Variants in CKAP2L observed in about 807,000 individuals in gnomAD.
CKAP2L encodes cytoskeleton-associated protein 2-like.
In CKAP2L, 42 loss-of-function variants were observed where a neutral mutation model predicts 65.7. The observed-to-expected ratio is 0.64, with a 90% CI of 0.50 to 0.83. The LOEUF is 0.83. CKAP2L is among the 40% of genes least tolerant of loss of function. The probability of loss-of-function intolerance (pLI) is 0.00; values close to 1 mark genes in which losing one functional copy is unlikely to be tolerated. For synonymous variants in CKAP2L, 325 were observed against 313.5 expected (o/e 1.04, Z -0.39); for missense variants, 908 against 871.0 (o/e 1.04, Z -0.53).
At chr2:112,743,869 A>G (rs1459864011) in intron 6 of CKAP2L, among the ~76,000 whole-genome samples, 4 of 152,228 alleles carry the variant, frequency 2.6e-5, no homozygotes, top group African/African-American at 7.2e-5. Context: ...TATCTGAGAT[A>G]GGCTTTATTT....
intron 5 of CKAP2L, among the ~76,000 whole-genome samples, chr2:112,749,408 G>A (rs1384503106): frequency 6.6e-6 from 1 of 152,196 alleles, no homozygotes; most frequent in Non-Finnish European, 1.5e-5. Flanking sequence ...CAGTGCCAGT[G>A]ACAGACTTTG....
At chr2:112,739,508 T>C (rs1469743265) in intron 8 of CKAP2L, among the ~76,000 whole-genome samples, 2 of 152,240 alleles carry the variant, frequency 1.3e-5, no homozygotes, top group Non-Finnish European at 2.9e-5. Flanking sequence ...ATTTATTGAA[T>C]GAAGTATGAA....
At chr2:112,762,360 T>C (rs1333685528) in intron 2 of CKAP2L, 143 bp downstream of exon 2, 1 of 657,138 alleles carries the variant, frequency 1.5e-6, no homozygotes, top group Non-Finnish European at 2.8e-6. Context: ...ATGCCTGGAC[T>C]GAAATGCTCT....
At chr2:112,754,656 G>A (rs1382489275) in intron 4 of CKAP2L, among the ~76,000 whole-genome samples, 1 of 152,200 alleles carries the variant, frequency 6.6e-6, no homozygotes, top group East Asian at 1.9e-4. Context: ...AGGTGCTGAA[G>A]AAACACCTAC....
At chr2:112,742,377 C>G (rs772494108) in intron 7 of CKAP2L, 2 of 717,384 alleles carry the variant, frequency 2.8e-6, no homozygotes, top group South Asian at 3.0e-5. Context: ...TATGATTAAA[C>G]ATGTAACTTA....
rs779883772 is a variant in CKAP2L at position 112,740,881 on chromosome 2, C to T, written c.1949G>A (p.Arg650Gln). The T allele has an allele frequency of 9.3e-6, 15 of 1,613,936 alleles. No homozygotes were observed. The highest frequency in any genetic ancestry group is 3.3e-4 in the Middle Eastern group (2 of 6,084). The change falls in exon 8 of 9, where the codon CGA becomes CAA. Residue 650 changes from arginine (R) to glutamine (Q), a missense_variant. Coordinates refer to ENST00000302450, the MANE Select transcript of CKAP2L (RefSeq NM_152515.5). ...ATTATGCTGTTCTGCCTTGGCTATT[C>T]GGGGTGTCGCCGTGACTTGTTCCCT... ...KEREQVTATP[R>Q]IAKAEQHNYP...
intron 7 of CKAP2L, among the ~76,000 whole-genome samples, chr2:112,742,094 TCTA>T (rs1177829989): frequency 1.3e-5 from 2 of 152,054 alleles, no homozygotes; most frequent in South Asian, 4.2e-4. Flanking sequence ...GCAGCCTAAA[TCTA>T]CTATTAAAGG....
intron 3 of CKAP2L, among the ~76,000 whole-genome samples, chr2:112,757,576 G>C (rs1172508970): frequency 6.6e-6 from 1 of 152,022 alleles, no homozygotes; most frequent in Non-Finnish European, 1.5e-5. Context: ...TTTTAGTAAA[G>C]TTGGGGTTTC....
intron 5 of CKAP2L, among the ~76,000 whole-genome samples, chr2:112,751,933 A>T (rs1680382791): frequency 6.6e-6 from 1 of 152,200 alleles, no homozygotes; most frequent in Non-Finnish European, 1.5e-5. Context: ...ACTCTTCAGA[A>T]CTTGATACCC....
At chr2:112,754,182 T>C (rs1680463896) in intron 4 of CKAP2L, among the ~76,000 whole-genome samples, 2 of 152,216 alleles carry the variant, frequency 1.3e-5, no homozygotes, top group Admixed American at 6.5e-5. Flanking sequence ...TCATGCTCCT[T>C]GGTAGTCAGT....
chr2:112,764,495 G>C, intron 1 of CKAP2L, 67 bp downstream of exon 1: 3 of 1,548,196 alleles, frequency 1.9e-6, no homozygotes, highest in Non-Finnish European at 2.7e-6. Context: ...GAACTCACTC[G>C]GTGGCCTCCT....
chr2:112,742,738 T>C lies in CKAP2L; in HGVS notation c.1790A>G (p.Asn597Ser). 1 of 1,609,292 alleles carries C rather than the reference T, an allele frequency of 6.2e-7. No homozygotes were observed. The highest frequency in any genetic ancestry group is 8.5e-7 in the Non-Finnish European group (1 of 1,177,556). Reference sequence around the variant, plus strand: ...GGTTCTGTTTGAGTCTTGCAAGATATTAAGAACAACTTTCCGCAACTCTTG... The same window carrying C: ...GGTTCTGTTTGAGTCTTGCAAGATACTAAGAACAACTTTCCGCAACTCTTG... ...PIQELRKVVL[N>S]ILQDSNRTTE... is the part of the protein sequence containing the mutation. Residue 597 changes from asparagine to serine, a missense_variant, in exon 7 of 9, where the codon AAT (asparagine) becomes AGT (serine). By Grantham distance (46) the Asn-to-Ser change is conservative. Transcript: ENST00000302450.
chr2:112,754,291 G>T (rs1264614103), intron 4 of CKAP2L, among the ~76,000 whole-genome samples: 1 of 152,066 alleles, frequency 6.6e-6, no homozygotes, highest in Non-Finnish European at 1.5e-5. Context: ...TTGAATGAAT[G>T]AATGCTATTA....
At chr2:112,758,743 C>T (rs1190696877) in intron 3 of CKAP2L, among the ~76,000 whole-genome samples, 1 of 152,144 alleles carries the variant, frequency 6.6e-6, no homozygotes, top group Non-Finnish European at 1.5e-5. Flanking sequence ...TTGATATAAT[C>T]CACAAACCAT....
At position 112,748,931 on chromosome 2, in the gene CKAP2L, G is replaced by T. The variant is rs182588510; in HGVS notation, c.1603-2356C>A. The stretch of plus-strand genomic sequence containing the variant: ...ATATGATATATATTCTGCAAATCAT[G>T]TTTGAGCTTACATCTATCACTTTAT... On this transcript the variant is annotated intron_variant, in intron 5 of 8. Coordinates refer to ENST00000302450, the MANE Select transcript of CKAP2L (RefSeq NM_152515.5). Among the ~76,000 whole-genome samples the T allele has an allele frequency of 2.0e-5, 3 of 151,404 alleles. No individual in the cohort carries two copies. The East Asian group carries it at 5.8e-4, about 29-fold the overall frequency.
chr2:112,744,639 T>C (rs982098412), intron 6 of CKAP2L, among the ~76,000 whole-genome samples: 2 of 152,236 alleles, frequency 1.3e-5, no homozygotes, highest in African/African-American at 2.4e-5. Context: ...TGAGACTCCC[T>C]GCTCTCTTCT....
chr2:112,741,609 C>T (rs1679971121), intron 7 of CKAP2L, among the ~76,000 whole-genome samples: 2 of 152,210 alleles, frequency 1.3e-5, no homozygotes, highest in Admixed American at 1.3e-4. Context: ...TTCCTGTCTT[C>T]TCTTTTTATT....
intron 8 of CKAP2L, among the ~76,000 whole-genome samples, chr2:112,739,417 G>C (rs1679699662): frequency 6.6e-6 from 1 of 152,034 alleles, no homozygotes; most frequent in African/African-American, 2.4e-5. Context: ...CAAGACCCCA[G>C]TCTCAAAAAA....
chr2:112,762,438 A>C lies in CKAP2L; in HGVS notation c.104+65T>G, dbSNP rs892338211. On this transcript the variant is annotated intron_variant, in intron 2 of 8. Coordinates refer to ENST00000302450, the MANE Select transcript of CKAP2L (RefSeq NM_152515.5). ...TAAGCAAAAGGGACATTTTTCAAAA[A>C]GGCTTTAAATTGCTAGTACAAAGAA... 53 of 1,225,916 alleles carry C rather than the reference A, an allele frequency of 4.3e-5. No individual in the cohort carries two copies. The Admixed American group carries it at 7.8e-4, about 18-fold the overall frequency. 75.9% of individuals were successfully genotyped at this position (1,225,916 alleles called of 1,614,324 possible). A position where few individuals can be genotyped will look rare whatever the true frequency, so the allele number is the denominator to read the frequency against.
Sources: gnomAD v4.1 joint callset for allele counts (sites outside exome capture counted in the v4.1 genomes callset) on GRCh38, gnomAD v4.1.1 for gene constraint, MANE v1.5 for transcripts, NCBI Gene and HGNC (gene_info 2026-07-23, HGNC 2026-07-21) for gene names.